TASOR: variants seen among roughly 807,000 people sequenced by gnomAD.
The protein encoded by TASOR is transcription activation suppressor, also known as protein TASOR.
TASOR carries 53 observed loss-of-function variants against 178.6 expected under a neutral mutation model. The ratio of observed to expected loss-of-function variants is 0.30; its 90% CI spans 0.24 to 0.37. The LOEUF is 0.37. TASOR is among the 10% of genes least tolerant of loss of function. The probability of loss-of-function intolerance (pLI) is 1.00; values close to 1 mark genes in which losing one functional copy is unlikely to be tolerated. For synonymous variants in TASOR, 713 were observed against 696.2 expected, an observed-to-expected ratio of 1.02 and a Z score of -0.38; for missense variants, 1,815 against 1,971.4, an observed-to-expected ratio of 0.92 and a Z score of 1.50.
At chr3:56,663,758 A>G in intron 7 of TASOR, 186 bp from the exon 8 acceptor site, 3 of 1,043,712 alleles carry the variant, frequency 2.9e-6, no homozygotes, top group Non-Finnish European at 3.5e-6. Context: ...GAGAAAACAG[A>G]AGTACTTACT....
At chr3:56,640,638 C>G (rs768723160) in intron 15 of TASOR, among the ~76,000 whole-genome samples, 1 of 151,912 alleles carries the variant, frequency 6.6e-6, no homozygotes, top group East Asian at 1.9e-4. Flanking sequence ...AAAACGACAT[C>G]GAGAAAGAAT....
intron 18 of TASOR, among the ~76,000 whole-genome samples, chr3:56,629,494 T>TAG (rs1265693737): frequency 6.6e-6 from 1 of 152,202 alleles, no homozygotes; most frequent in African/African-American, 2.4e-5. Flanking sequence ...AGCATTTATA[T>TAG]AGAGCTTCAT....
Position 56,683,106 on chromosome 3 carries a change from C to A in TASOR, c.-100G>T. 1 of 1,289,550 alleles carries A rather than the reference C, an allele frequency of 7.8e-7. No homozygotes were observed. The highest frequency in any genetic ancestry group is 1.0e-6 in the Non-Finnish European group (1 of 965,272). 79.9% of individuals were successfully genotyped at this position (1,289,550 alleles called of 1,614,324 possible). On this transcript the variant is annotated 5_prime_UTR_variant, in exon 1 of 24. Transcript: ENST00000683822. ...AGTCTCGCCGCCGAGCTGCTCTCAG[C>A]CCACCCACCCCCTTCCCCCCGTGGC...
chr3:56,635,207 C>G (rs1040203984), intron 17 of TASOR, among the ~76,000 whole-genome samples: 1 of 152,182 alleles, frequency 6.6e-6, no homozygotes, highest in Non-Finnish European at 1.5e-5. Flanking sequence ...AACCAGTACA[C>G]TCATTAACTA....
rs995203199 is a variant in TASOR at position 56,621,010 on chromosome 3, G to C, written c.*2027C>G. The C allele has an allele frequency of 5.3e-5, 8 of 151,548 alleles. No individual in the cohort carries two copies. Among genetic ancestry groups the C allele is most frequent in the African/African-American group, 1.9e-4 (8 of 41,196 alleles). 9.4% of individuals were successfully genotyped at this position (151,548 alleles called of 1,614,324 possible). A position where few individuals can be genotyped will look rare whatever the true frequency, so the allele number is the denominator to read the frequency against. ...TACTAAAAATACAAAAAGTTAGTTAGTTAGTTAGCCAGGCGTGGTGGTGGG... is the reference window on the plus strand; with the variant it reads ...TACTAAAAATACAAAAAGTTAGTTACTTAGTTAGCCAGGCGTGGTGGTGGG... On this transcript the variant is annotated 3_prime_UTR_variant, in exon 24 of 24. Coordinates refer to ENST00000683822, the MANE Select transcript of TASOR (RefSeq NM_001365635.2).
chr3:56,666,562 T>C (rs1237262920), intron 6 of TASOR, among the ~76,000 whole-genome samples, 178 bp from the exon 7 acceptor site: 1 of 152,210 alleles, frequency 6.6e-6, no homozygotes, highest in African/African-American at 2.4e-5. Flanking sequence ...TTTTGTGATA[T>C]AAAATATTCT....
intron 17 of TASOR, among the ~76,000 whole-genome samples, chr3:56,637,506 G>C (rs1442649949): frequency 1.3e-5 from 2 of 151,378 alleles, no homozygotes; most frequent in Admixed American, 1.3e-4. Context: ...GGGTGACAGA[G>C]AGAGATTCTG....
chr3:56,667,791 A>G (rs2030218687), intron 6 of TASOR, among the ~76,000 whole-genome samples: 1 of 152,240 alleles, frequency 6.6e-6, no homozygotes, highest in African/African-American at 2.4e-5. Flanking sequence ...GACAAACACA[A>G]AAACAAAAAA....
chr3:56,631,190 C>G (rs1274996787), intron 18 of TASOR, among the ~76,000 whole-genome samples: 1 of 152,122 alleles, frequency 6.6e-6, no homozygotes, highest in African/African-American at 2.4e-5. Flanking sequence ...AAGGAAAGCC[C>G]AACACAGTAC....
At chr3:56,624,447 G>A (rs774781087) in intron 23 of TASOR, 32 bp downstream of exon 23, 15 of 1,600,918 alleles carry the variant, frequency 9.4e-6, no homozygotes, top group South Asian at 3.4e-5. Context: ...TTCTGTCTGC[G>A]TTAAAGAAAA....
intron 18 of TASOR, chr3:56,629,243 G>T (rs570344139): frequency 2.0e-5 from 3 of 152,060 alleles, no homozygotes; most frequent in Admixed American, 2.0e-4. Flanking sequence ...ATTAGGCCAG[G>T]TTCTTAACCC....
In TASOR at chr3:56,683,154, G is replaced by A. The variant is rs2031956349; in HGVS notation, c.-148C>T. The A allele has an allele frequency of 1.1e-6, 1 of 869,920 alleles. No homozygotes were observed. Among genetic ancestry groups the A allele is most frequent in the Admixed American group, 3.0e-5 (1 of 33,828 alleles). 53.9% of individuals were successfully genotyped at this position (869,920 alleles called of 1,614,324 possible). ...GGCCTCAGGCTGCGCTCCCGACCTG[G>A]CAGCCTCTTGGGGGGCCCTGTAGCG... On this transcript the variant is annotated 5_prime_UTR_variant, in exon 1 of 24. Transcript: ENST00000683822.
At chr3:56,661,179 C>T (rs1240236271) in intron 9 of TASOR, among the ~76,000 whole-genome samples, 162 bp from the exon 10 acceptor site, 1 of 152,222 alleles carries the variant, frequency 6.6e-6, no homozygotes, top group Non-Finnish European at 1.5e-5. Flanking sequence ...GACAGTCTCA[C>T]TCTGTCACCT....
intron 1 of TASOR, among the ~76,000 whole-genome samples, chr3:56,675,998 A>AT (rs1491428372): frequency 1.3e-5 from 2 of 152,240 alleles, no homozygotes; most frequent in African/African-American, 4.8e-5. Context: ...AAAATAGTCA[A>AT]CAGTTATAGC....
chr3:56,647,609 C>T (rs549764144), intron 13 of TASOR, among the ~76,000 whole-genome samples: 67 of 152,292 alleles, frequency 4.4e-4, no homozygotes, highest in African/African-American at 1.5e-3. Flanking sequence ...CATGTCATCT[C>T]TTCCTCTTAT....
intron 17 of TASOR, among the ~76,000 whole-genome samples, chr3:56,634,821 T>C (rs545079035): frequency 6.6e-6 from 1 of 152,352 alleles, no homozygotes; most frequent in Non-Finnish European, 1.5e-5. Context: ...AAACACAGTA[T>C]GTTTTTGAAA....
At chr3:56,628,748 T>C (rs1578188356) in intron 18 of TASOR, 134 bp from the exon 19 acceptor site, 1 of 584,614 alleles carries the variant, frequency 1.7e-6, no homozygotes, top group East Asian at 3.3e-5. Context: ...ACTTACACTC[T>C]AAGAGACCAT....
rs2076676490 is a variant in TASOR, at chr3:56,621,836, A to C, written c.*1201T>G. ...TTAGTAGTAAAAAAAAAAAAAAAAA[A>C]ACCGGTTCTTCTGCTCTGTCACCAC... is the stretch of plus-strand genomic sequence containing the variant. On this transcript the variant is annotated 3_prime_UTR_variant, in exon 24 of 24. Coordinates refer to ENST00000683822, the MANE Select transcript of TASOR (RefSeq NM_001365635.2). 1 of 265,598 alleles carries C rather than the reference A, an allele frequency of 3.8e-6. No individual in the cohort carries two copies. The highest frequency in any genetic ancestry group is 7.0e-6 in the Non-Finnish European group (1 of 142,118). The allele number at this position is 265,598 out of a possible 1,614,324, so 16.5% of individuals were successfully genotyped here. A position where few individuals can be genotyped will look rare whatever the true frequency, so the allele number is the denominator to read the frequency against.
chr3:56,656,165 A>G (rs1320577317), intron 11 of TASOR, among the ~76,000 whole-genome samples: 2 of 152,246 alleles, frequency 1.3e-5, no homozygotes, highest in African/African-American at 4.8e-5. Context: ...AATTCTATAT[A>G]GAAACCCCCA....
Sources: allele counts gnomAD v4.1 joint callset (sites outside exome capture counted in the v4.1 genomes callset), GRCh38; gene constraint gnomAD v4.1.1; transcripts MANE v1.5; gene names NCBI Gene and HGNC (gene_info 2026-07-23, HGNC 2026-07-21).